Variants in VWA3A observed in about 807,000 individuals in gnomAD.
VWA3A encodes von Willebrand factor A domain-containing protein 3A.
Under a neutral mutation model 160.4 loss-of-function variants are expected in VWA3A, and 134 were observed. The ratio of observed to expected loss-of-function variants is 0.84; its 90% CI spans 0.73 to 0.96. The LOEUF (loss-of-function observed/expected upper bound fraction) is 0.96, where lower values mean the gene tolerates loss of function less well. Among genes scored for constraint, VWA3A ranks in the 40% least tolerant of loss-of-function variants. VWA3A has a pLI of 0.00. For synonymous variants in VWA3A, 476 were observed against 543.4 expected, an observed-to-expected ratio of 0.88 and a Z score of 1.72; for missense variants, 1,310 against 1,447.9, an observed-to-expected ratio of 0.90 and a Z score of 1.55.
chr16:22,095,423 G>A (rs534838612), intron 1 of VWA3A, among the ~76,000 whole-genome samples: 3 of 152,288 alleles, frequency 2.0e-5, no homozygotes, highest in African/African-American at 7.2e-5. Context: ...AGAGGGGTAG[G>A]TGGGAGCAGC....
At position 22,100,326 on chromosome 16, in the gene VWA3A, T is replaced by C; in HGVS notation, c.350+8T>C. 4 of 1,551,614 alleles carry C rather than the reference T, an allele frequency of 2.6e-6. No homozygotes were observed. The highest frequency in any genetic ancestry group is 3.5e-6 in the Non-Finnish European group (4 of 1,146,988). On this transcript the variant is annotated splice_region_variant and intron_variant, in intron 4 of 33. Coordinates refer to ENST00000389398, the MANE Select transcript of VWA3A (RefSeq NM_173615.5). ...CCAGGGCACAGAAGTGCTGTAAGTC[T>C]GAAGCTGTTCCCCGCACCCCCCACA... is the stretch of plus-strand genomic sequence containing the variant.
chr16:22,110,888 A>G lies in VWA3A; in HGVS notation c.583A>G (p.Ser195Gly). ...CCAGTGATGTCCTTTTGTCCAACAG[A>G]GCCTCATCGATGAGCAGCTGAGCCA... ...QKEEFQKDLM[S>G]LIDEQLSHKE... The change falls in exon 8 of 34, where the codon AGC becomes GGC. Residue 195 changes from serine (S) to glycine (G), a missense_variant and splice_region_variant. Physicochemically the swap from Ser to Gly is moderately conservative, Grantham distance 56 (BLOSUM62 0). Transcript: ENST00000389398. 3 of 1,603,696 alleles carry G rather than the reference A, an allele frequency of 1.9e-6. No homozygotes were observed. Among genetic ancestry groups the G allele is most frequent in the Non-Finnish European group, 2.6e-6 (3 of 1,175,356 alleles).
chr16:22,111,057 G>A (rs1722719574), intron 8 of VWA3A, 63 bp downstream of exon 8: 1 of 1,403,756 alleles, frequency 7.1e-7, no homozygotes, highest in Admixed American at 2.2e-5. Flanking sequence ...AACCAGCAGA[G>A]TCTTTATTGA....
chr16:22,153,839 A>T (rs2046390219), intron 31 of VWA3A, among the ~76,000 whole-genome samples: 1 of 149,828 alleles, frequency 6.7e-6, no homozygotes, highest in Non-Finnish European at 1.5e-5. Context: ...TCCTGGGCTC[A>T]GGCAATCTTT....
At chr16:22,141,246 C>A in intron 23 of VWA3A, 1 of 507,600 alleles carries the variant, frequency 2.0e-6, no homozygotes, top group South Asian at 1.5e-5. Context: ...GTCAGCAGGA[C>A]CAGGTAGAAT....
Position 22,131,280 on chromosome 16 carries a change from G to A in VWA3A, c.1727+1G>A, listed in dbSNP as rs376652941. On this transcript the variant is annotated splice_donor_variant, in intron 18 of 33. Coordinates refer to ENST00000389398, the MANE Select transcript of VWA3A (RefSeq NM_173615.5). LOFTEE classifies it high-confidence loss of function. The stretch of plus-strand genomic sequence containing the variant: ...ACAACAATTTACAAAGTGCCTGGCG[G>A]TAGGTTATGGGCAGAGACTTCGTGG... 4.0e-5 allele frequency: 64 copies of A among 1,613,756 alleles called. No individual in the cohort carries two copies. Among genetic ancestry groups the A allele is most frequent in the Non-Finnish European group, 4.9e-5 (58 of 1,179,854 alleles).
chr16:22,138,771 G>GGT (rs1041514266), intron 22 of VWA3A, among the ~76,000 whole-genome samples: 1 of 151,912 alleles, frequency 6.6e-6, no homozygotes, highest in Non-Finnish European at 1.5e-5. Flanking sequence ...TCCCTACCCT[G>GGT]GTACTGAGGA....
intron 1 of VWA3A, among the ~76,000 whole-genome samples, chr16:22,093,342 G>A (rs1901405312): frequency 1.3e-5 from 2 of 152,140 alleles, no homozygotes; most frequent in South Asian, 4.1e-4. Flanking sequence ...AAGTAAATAA[G>A]TGAATATATA....
intron 29 of VWA3A, among the ~76,000 whole-genome samples, chr16:22,150,185 T>C (rs1300367320): frequency 6.6e-6 from 1 of 152,132 alleles, no homozygotes. Context: ...GTGGATCACC[T>C]GAGGTCAGGA....
At chr16:22,106,818 C>T (rs2045489083) in intron 6 of VWA3A, among the ~76,000 whole-genome samples, 1 of 152,194 alleles carries the variant, frequency 6.6e-6, no homozygotes, top group African/African-American at 2.4e-5. Flanking sequence ...GGCTTGGACT[C>T]AAGCTCTAGG....
Position 22,150,760 on chromosome 16 carries a change from C to G in VWA3A, c.3195C>G (p.Ser1065Arg). 1 of 1,613,028 alleles carries G rather than the reference C, an allele frequency of 6.2e-7. No homozygotes were observed. Among genetic ancestry groups the G allele is most frequent in the Non-Finnish European group, 8.5e-7 (1 of 1,179,456 alleles). Residue 1065 changes from serine to arginine, a missense_variant, in exon 30 of 34, where the codon AGC (serine) becomes AGG (arginine). By Grantham distance (110) the Ser-to-Arg change is moderately radical. Coordinates refer to ENST00000389398, the MANE Select transcript of VWA3A (RefSeq NM_173615.5). ...TGACCGACGGAAAGCCAGACACAAG[C>G]TGCAGCCTTGTCCTAAATGAAGTCC... Reference protein sequence around the residue: ...YLLTDGKPDTSCSLVLNEVQK... With the variant: ...YLLTDGKPDTRCSLVLNEVQK...
chr16:22,155,857 A>G lies in VWA3A; in HGVS notation c.3510A>G (p.Gln1170=). The G allele has an allele frequency of 6.2e-7, 1 of 1,613,868 alleles. No individual in the cohort carries two copies. The highest frequency in any genetic ancestry group is 8.5e-7 in the Non-Finnish European group (1 of 1,179,864). Residue 1170 remains glutamine (Q), a synonymous_variant, in exon 33 of 34, where the codon CAA becomes CAG. Transcript: ENST00000389398. ...FLWQAQSFRS[Q]LQKKNDAEPK... ...TTCATCTCCTGCCCACCAGATCCCA[A>G]CTCCAGAAGAAAAATGATGCAGAAC...
intron 21 of VWA3A, among the ~76,000 whole-genome samples, chr16:22,137,870 C>T (rs560900321): frequency 1.2e-4 from 19 of 152,274 alleles, no homozygotes; most frequent in Non-Finnish European, 2.5e-4. Context: ...ATTCTGAAGT[C>T]AGAAATCCTA....
chr16:22,095,929 T>C (rs2045313156), intron 1 of VWA3A, among the ~76,000 whole-genome samples: 1 of 152,178 alleles, frequency 6.6e-6, no homozygotes, highest in African/African-American at 2.4e-5. Flanking sequence ...AATTATTTTA[T>C]TTAGTTTTTT....
At chr16:22,114,462 A>G (rs1212717618) in intron 8 of VWA3A, among the ~76,000 whole-genome samples, 1 of 152,178 alleles carries the variant, frequency 6.6e-6, no homozygotes, top group Non-Finnish European at 1.5e-5. Context: ...GAAGGAACTC[A>G]GCCCCAGACC....
At position 22,133,100 on chromosome 16, in the gene VWA3A, A is replaced by C; in HGVS notation, c.2068+5A>C. 1 of 1,610,150 alleles carries C rather than the reference A, an allele frequency of 6.2e-7. No homozygotes were observed. The highest frequency in any genetic ancestry group is 8.5e-7 in the Non-Finnish European group (1 of 1,178,272). On this transcript the variant is annotated splice_donor_5th_base_variant and intron_variant, in intron 20 of 33. Coordinates refer to ENST00000389398, the MANE Select transcript of VWA3A (RefSeq NM_173615.5). ...TCCACTGGTTTGGAGACACAGGTAC[A>C]TGACTGTTTCCTCATCCCTTCAGCT...
intron 21 of VWA3A, among the ~76,000 whole-genome samples, chr16:22,136,989 C>G (rs1195239426): frequency 1.3e-5 from 2 of 152,008 alleles, no homozygotes; most frequent in African/African-American, 2.4e-5. Flanking sequence ...CAGGAGAATC[C>G]TTGAACCCGG....
In VWA3A at chr16:22,148,227, T is replaced by G; in HGVS notation, c.2905T>G (p.Ser969Ala). Residue 969 changes from serine to alanine, a missense_variant, in exon 28 of 34, where the codon TCC becomes GCC. Coordinates refer to ENST00000389398, the MANE Select transcript of VWA3A (RefSeq NM_173615.5). Reference protein sequence around the residue: ...KVCILLDTSGSMGPYLQQVKT... With the variant: ...KVCILLDTSGAMGPYLQQVKT... Reference sequence around the variant, plus strand: ...ATGCATATTGCTGGACACGTCAGGGTCCATGGGCCCCTACCTGCAGCAGGT... The same window carrying G: ...ATGCATATTGCTGGACACGTCAGGGGCCATGGGCCCCTACCTGCAGCAGGT... 1 of 1,600,666 alleles carries G rather than the reference T, an allele frequency of 6.2e-7. No individual in the cohort carries two copies. The highest frequency in any genetic ancestry group is 8.5e-7 in the Non-Finnish European group (1 of 1,173,946).
At chr16:22,152,473 G>T (rs563498558) in intron 30 of VWA3A, 38 bp from the exon 31 acceptor site, 1 of 1,608,160 alleles carries the variant, frequency 6.2e-7, no homozygotes, top group Non-Finnish European at 8.5e-7. Flanking sequence ...TGCCTGGTCA[G>T]TCAGCCTTCC....
Sources: allele counts gnomAD v4.1 joint callset (sites outside exome capture counted in the v4.1 genomes callset), GRCh38; gene constraint gnomAD v4.1.1; transcripts MANE v1.5; gene names NCBI Gene and HGNC (gene_info 2026-07-23, HGNC 2026-07-21).